Variants in HIBADH observed in about 807,000 individuals in gnomAD.
HIBADH encodes the protein 3-hydroxyisobutyrate dehydrogenase.
Under a neutral mutation model 36.1 loss-of-function variants are expected in HIBADH, and 25 were observed. The ratio of observed to expected loss-of-function variants is 0.69; its 90% CI spans 0.50 to 0.97. The LOEUF (loss-of-function observed/expected upper bound fraction) is 0.97. Ranked by LOEUF, HIBADH falls within the 50% of genes least tolerant of loss-of-function variation. HIBADH has a pLI of 0.00. For missense variants in HIBADH, 421 were observed against 418.0 expected, an observed-to-expected ratio of 1.01 and a Z score of -0.06; for synonymous variants, 160 against 149.5, an observed-to-expected ratio of 1.07 and a Z score of -0.51.
At chr7:27,636,674 A>C (rs1016204959) in intron 2 of HIBADH, among the ~76,000 whole-genome samples, 2 of 152,246 alleles carry the variant, frequency 1.3e-5, no homozygotes, top group African/African-American at 4.8e-5. Flanking sequence ...GAATAAACTC[A>C]CACAGAAGTG....
At chr7:27,649,688 A>T (rs2128296993) in intron 1 of HIBADH, 55 bp from the exon 2 acceptor site, 1 of 1,429,684 alleles carries the variant, frequency 7.0e-7, no homozygotes, top group East Asian at 2.4e-5. Flanking sequence ...TATTGTAAAC[A>T]TTCATTTAAT....
rs73287942 is a variant in HIBADH at position 27,531,160 on chromosome 7, C to T, written c.852+32G>A. The T allele has an allele frequency of 4.9e-4, 774 of 1,573,356 alleles. 6 individuals carry two copies. In the African/African-American group the frequency reaches 9.3e-3, roughly 19 times the overall value. On this transcript the variant is annotated intron_variant, in intron 7 of 7. Transcript: ENST00000265395. ...TGTTATTGGACCGTGAAACGTTTTT[C>T]CTTCTCTCTTGGGTGTCTACATTTA...
intron 6 of HIBADH, 151 bp downstream of exon 6, chr7:27,538,190 G>T: frequency 1.6e-6 from 1 of 636,096 alleles, no homozygotes; most frequent in Non-Finnish European, 2.7e-6. Flanking sequence ...TGTCCAATAA[G>T]CAAAGTCTAT....
intron 4 of HIBADH, among the ~76,000 whole-genome samples, chr7:27,578,829 A>C (rs1562628999): frequency 6.6e-6 from 1 of 152,210 alleles, no homozygotes. Context: ...AGCAGGCAGA[A>C]CAAGTCAAGA....
chr7:27,646,806 A>G (rs1786081468), intron 2 of HIBADH, among the ~76,000 whole-genome samples: 1 of 142,966 alleles, frequency 7.0e-6, no homozygotes, highest in South Asian at 2.2e-4. Context: ...AGCGATTCTC[A>G]TGTCTCAGCC....
In HIBADH at chr7:27,531,411, T is replaced by G. The variant is rs1012856678; in HGVS notation, c.696-63A>C. 45 of 1,420,328 alleles carry G rather than the reference T, an allele frequency of 3.2e-5. No individual in the cohort carries two copies. The South Asian group carries it at 6.1e-4, about 19-fold the overall frequency. The allele number at this position is 1,420,328 out of a possible 1,614,324, so 88.0% of individuals were successfully genotyped here. A position where few individuals can be genotyped will look rare whatever the true frequency, so the allele number is the denominator to read the frequency against. On this transcript the variant is annotated intron_variant, in intron 6 of 7. Transcript: ENST00000265395. The stretch of plus-strand genomic sequence containing the variant: ...AATGTACACGTCGTGCGTGACTTAT[T>G]TATGTATGGGGATGCTCCATCTTCT...
At chr7:27,544,542 G>C (rs2128184650) in intron 4 of HIBADH, among the ~76,000 whole-genome samples, 1 of 152,250 alleles carries the variant, frequency 6.6e-6, no homozygotes, top group East Asian at 1.9e-4. Flanking sequence ...CTGCTGTTTT[G>C]TTAGTTTCTA....
chr7:27,617,302 G>A (rs1014615694), intron 4 of HIBADH, among the ~76,000 whole-genome samples: 2 of 152,198 alleles, frequency 1.3e-5, no homozygotes, highest in Admixed American at 6.5e-5. Flanking sequence ...AGGAGCAATA[G>A]ACTATGGCAA....
At chr7:27,552,707 GA>G (rs1214121417) in intron 4 of HIBADH, among the ~76,000 whole-genome samples, 1 of 152,168 alleles carries the variant, frequency 6.6e-6, no homozygotes, top group East Asian at 1.9e-4. Context: ...TCACAAGTAT[GA>G]AAAATCTGCA....
chr7:27,544,340 T>C (rs546436209), intron 4 of HIBADH, among the ~76,000 whole-genome samples: 3 of 152,332 alleles, frequency 2.0e-5, no homozygotes, highest in African/African-American at 4.8e-5. Context: ...AAAGTCAGCA[T>C]TATGCTAGCC....
At chr7:27,640,070 A>G (rs1785933915) in intron 2 of HIBADH, among the ~76,000 whole-genome samples, 1 of 152,222 alleles carries the variant, frequency 6.6e-6, no homozygotes, top group East Asian at 1.9e-4. Context: ...CTCCGTGCCC[A>G]GTGGCAATTG....
chr7:27,586,019 G>T (rs146360967), intron 4 of HIBADH, among the ~76,000 whole-genome samples: 1 of 152,182 alleles, frequency 6.6e-6, no homozygotes, highest in Non-Finnish European at 1.5e-5. Context: ...AGTCCACCTG[G>T]ACGTGAAGGG....
chr7:27,648,427 T>C (rs912217140), intron 2 of HIBADH, among the ~76,000 whole-genome samples: 5 of 152,206 alleles, frequency 3.3e-5, no homozygotes, highest in Non-Finnish European at 5.9e-5. Context: ...AAGATTCAGA[T>C]ATATAGTTCT....
intron 4 of HIBADH, among the ~76,000 whole-genome samples, chr7:27,568,104 G>T (rs1039786356): frequency 6.6e-6 from 1 of 150,946 alleles, no homozygotes; most frequent in African/African-American, 2.4e-5. Flanking sequence ...AAAAAATACT[G>T]TATTTATCCA....
chr7:27,662,652 G>T, intron 1 of HIBADH, 46 bp downstream of exon 1: 1 of 1,167,908 alleles, frequency 8.6e-7, no homozygotes, highest in South Asian at 3.0e-5. Context: ...CAGAAGAAGC[G>T]AGCGGCCGAA....
chr7:27,540,099 A>G (rs1784126887), intron 5 of HIBADH, among the ~76,000 whole-genome samples: 1 of 152,118 alleles, frequency 6.6e-6, no homozygotes, highest in African/African-American at 2.4e-5. Flanking sequence ...TGTAATTTCT[A>G]TCTGATGTTT....
At chr7:27,631,179 T>G (rs906230988) in intron 3 of HIBADH, among the ~76,000 whole-genome samples, 3 of 152,180 alleles carry the variant, frequency 2.0e-5, no homozygotes, top group Non-Finnish European at 4.4e-5. Context: ...TTTTAGTAAC[T>G]TTTCTTTCAG....
intron 2 of HIBADH, among the ~76,000 whole-genome samples, chr7:27,633,378 C>T (rs1012170461): frequency 3.9e-5 from 6 of 152,292 alleles, no homozygotes; most frequent in African/African-American, 1.4e-4. Context: ...AAAGAATCAG[C>T]TGGGCACAAT....
intron 2 of HIBADH, among the ~76,000 whole-genome samples, chr7:27,645,382 T>TTTTTTTTTTTTTTTTTTTTTTTTG (rs1562657294): frequency 7.7e-6 from 1 of 129,080 alleles, no homozygotes; most frequent in African/African-American, 3.1e-5. Flanking sequence ...TTTTTTTTTT[T>TTTTTTTTTTTTTTTTTTTTTTTTG]TTTTTTTTTT....
Sources: allele counts gnomAD v4.1 joint callset (sites outside exome capture counted in the v4.1 genomes callset), GRCh38; gene constraint gnomAD v4.1.1; transcripts MANE v1.5; gene names NCBI Gene and HGNC (gene_info 2026-07-23, HGNC 2026-07-21).